The following ZBTB40 variants were observed in gnomAD, a reference collection of about 807,000 sequenced individuals.
ZBTB40 encodes zinc finger and BTB domain containing 40.
Under a neutral mutation model 117.5 loss-of-function variants are expected in ZBTB40, and 60 were observed. The observed-to-expected ratio is 0.51, with a 90% CI of 0.41 to 0.63. The LOEUF (loss-of-function observed/expected upper bound fraction) is 0.63. Ranked by LOEUF, ZBTB40 falls within the 30% of genes least tolerant of loss-of-function variation. ZBTB40 has a pLI of 0.00. For synonymous variants in ZBTB40, 525 were observed against 577.1 expected, an observed-to-expected ratio of 0.91 and a Z score of 1.29; for missense variants, 1,287 against 1,498.5, an observed-to-expected ratio of 0.86 and a Z score of 2.33.
At chr1:22,453,249 A>T (rs1170869468) in intron 1 of ZBTB40, among the ~76,000 whole-genome samples, 1 of 152,206 alleles carries the variant, frequency 6.6e-6, no homozygotes, top group African/African-American at 2.4e-5. Context: ...CCTTTCTAAT[A>T]TAAACACTTT....
chr1:22,499,380 G>A (rs984425310), intron 3 of ZBTB40, among the ~76,000 whole-genome samples: 31 of 152,158 alleles, frequency 2.0e-4, no homozygotes, highest in African/African-American at 6.8e-4. Flanking sequence ...AGCAAGTCAC[G>A]AGGTTCAATC....
rs200623577 is a variant in ZBTB40 at position 22,513,144 on chromosome 1, C to T, written c.2668+14C>T. The T allele has an allele frequency of 5.0e-5, 81 of 1,611,920 alleles. No homozygotes were observed. In the East Asian group the frequency reaches 1.8e-3, roughly 35 times the overall value. On this transcript the variant is annotated intron_variant, in intron 12 of 17. Transcript: ENST00000375647. The surrounding 1 kb of genome is among the most constrained non-coding windows in gnomAD (Gnocchi z 4.9). ...AGCACTCAGAAGGTAAGGCGGGGCA[C>T]AGTTCATTTCTCCTGCAGACTTTCA... is the stretch of plus-strand genomic sequence containing the variant.
In ZBTB40 at chr1:22,490,227, C is replaced by T. The variant is rs1276708397; in HGVS notation, c.279C>T (p.Ile93=). ...LPVGKHNFSK[I]ISLADSLQMF... is the part of the protein sequence containing the mutation. Reference sequence around the variant, plus strand: ...TGGGCAAGCACAACTTCTCCAAAATCATCTCCTTAGCAGACAGTCTACAGA... The same window carrying T: ...TGGGCAAGCACAACTTCTCCAAAATTATCTCCTTAGCAGACAGTCTACAGA... The change falls in exon 2 of 18, where the codon ATC becomes ATT. Residue 93 remains isoleucine (I), a synonymous_variant. Transcript: ENST00000375647. The T allele has an allele frequency of 6.2e-7, 1 of 1,614,196 alleles. No individual in the cohort carries two copies. Among genetic ancestry groups the T allele is most frequent in the Non-Finnish European group, 8.5e-7 (1 of 1,180,026 alleles).
chr1:22,526,255 G>A lies in ZBTB40; in HGVS notation c.3579G>A (p.Glu1193=), dbSNP rs1429326507. The A allele has an allele frequency of 6.2e-7, 1 of 1,614,202 alleles. No individual in the cohort carries two copies. Among genetic ancestry groups the A allele is most frequent in the Non-Finnish European group, 8.5e-7 (1 of 1,180,040 alleles). The part of the protein sequence containing the change: ...VAPTEQVITL[E]ETQLAGSQVF... ...CGACAGAGCAGGTGATCACTTTGGA[G>A]GAGACCCAGCTTGCCGGGTCGCAGG... Residue 1193 remains glutamate, a synonymous_variant, in exon 18 of 18, where the codon GAG becomes GAA. Transcript: ENST00000375647.
intron 1 of ZBTB40, among the ~76,000 whole-genome samples, chr1:22,459,152 A>G (rs1380406082): frequency 6.6e-6 from 1 of 152,134 alleles, no homozygotes. Context: ...CAGTTGTCAT[A>G]TGCTTGACTT....
Position 22,512,055 on chromosome 1 carries a change from GC to G in ZBTB40, c.2385del (p.Asp796MetfsTer12). 1 of 1,614,080 alleles carries G rather than the reference GC, an allele frequency of 6.2e-7. No homozygotes were observed. ...TGGAGGCCCATGGTGCAGGTGGAGA[GC>G]CCGATGCCCCCAAGAAGAAGAAGAA... ...QLEAHGAGGE[P>X]DAPKKKKKRL... On this transcript the variant is annotated frameshift_variant, in exon 11 of 18. Transcript: ENST00000375647. LOFTEE classifies it high-confidence loss of function.
chr1:22,510,940 C>G (rs1400129270), intron 9 of ZBTB40, among the ~76,000 whole-genome samples: 3 of 152,164 alleles, frequency 2.0e-5, no homozygotes. Flanking sequence ...CTGCATGTAT[C>G]TTCTTTGTAT....
At chr1:22,501,280 T>A (rs1432077443) in intron 3 of ZBTB40, among the ~76,000 whole-genome samples, 2 of 151,728 alleles carry the variant, frequency 1.3e-5, no homozygotes, top group Non-Finnish European at 2.9e-5. Flanking sequence ...GAGCATGGAG[T>A]CGTGGAATTG....
chr1:22,496,484 G>T (rs550709496), intron 3 of ZBTB40, among the ~76,000 whole-genome samples: 2 of 152,274 alleles, frequency 1.3e-5, no homozygotes, highest in African/African-American at 4.8e-5. Flanking sequence ...TTCACGTACC[G>T]CAAGGAACAC....
In ZBTB40 at chr1:22,489,903, C is replaced by T. The variant is rs1465000960; in HGVS notation, c.-46C>T. 6 of 1,589,490 alleles carry T rather than the reference C, an allele frequency of 3.8e-6. No homozygotes were observed. Among genetic ancestry groups the T allele is most frequent in the South Asian group, 1.1e-5 (1 of 90,654 alleles). ...AGGGCCTGTCCTCCCAAAGCCAACTCTAAGGAGAGGAGAGGAAGAGCAGTT... is the reference window on the plus strand; with the variant it reads ...AGGGCCTGTCCTCCCAAAGCCAACTTTAAGGAGAGGAGAGGAAGAGCAGTT... On this transcript the variant is annotated 5_prime_UTR_variant, in exon 2 of 18. Coordinates refer to ENST00000375647, the MANE Select transcript of ZBTB40 (RefSeq NM_014870.4).
intron 3 of ZBTB40, among the ~76,000 whole-genome samples, chr1:22,496,046 C>T (rs1214107109): frequency 2.0e-5 from 3 of 152,202 alleles, no homozygotes; most frequent in African/African-American, 4.8e-5. Context: ...TGCCTCCTGA[C>T]GTGCAGGCAG....
intron 1 of ZBTB40, among the ~76,000 whole-genome samples, chr1:22,475,216 G>A (rs1048738173): frequency 1.3e-5 from 2 of 152,208 alleles, no homozygotes; most frequent in Non-Finnish European, 2.9e-5. Context: ...TAGTGCTAAT[G>A]TGTTTCCCTT....
At chr1:22,519,589 T>C (rs1639465425) in intron 13 of ZBTB40, 1 of 241,140 alleles carries the variant, frequency 4.1e-6, no homozygotes, top group Non-Finnish European at 8.2e-6. Context: ...CTAATGTTTT[T>C]ATTGTTGAAT....
At chr1:22,518,119 G>A (rs958586048) in intron 13 of ZBTB40, among the ~76,000 whole-genome samples, 3 of 152,170 alleles carry the variant, frequency 2.0e-5, no homozygotes, top group Non-Finnish European at 4.4e-5. Context: ...AATCACCAGC[G>A]TGGCATTTGG....
chr1:22,437,216 A>G (rs1640680694), intron 1 of ZBTB40, among the ~76,000 whole-genome samples: 1 of 152,172 alleles, frequency 6.6e-6, no homozygotes, highest in South Asian at 2.1e-4. Flanking sequence ...GGATACAGAA[A>G]TCATAATTTA....
intron 1 of ZBTB40, among the ~76,000 whole-genome samples, chr1:22,441,291 C>T: frequency 6.6e-6 from 1 of 151,966 alleles, no homozygotes; most frequent in Non-Finnish European, 1.5e-5. Context: ...CTCTCTTATA[C>T]TCCATTTTAT....
upstream of ZBTB40, chr1:22,451,751 C>CT (rs397807805): frequency 6.6e-6 from 1 of 152,150 alleles, no homozygotes; most frequent in Non-Finnish European, 1.5e-5. Flanking sequence ...AGCCGGCCCC[C>CT]GCCGTCCTAG....
intron 14 of ZBTB40, 38 bp downstream of exon 14, chr1:22,520,313 C>T: frequency 6.5e-7 from 1 of 1,539,792 alleles, no homozygotes; most frequent in Non-Finnish European, 8.9e-7. Flanking sequence ...TCCCCTCACC[C>T]CTGACCTACT....
rs1243153784 is a variant in ZBTB40, at chr1:22,509,236, G to A, written c.1833+3G>A. 2 of 1,614,218 alleles carry A rather than the reference G, an allele frequency of 1.2e-6. No individual in the cohort carries two copies. The highest frequency in any genetic ancestry group is 2.2e-5 in the East Asian group (1 of 44,880). ...ACCTGGCAGAGACTGTGAAAGAGGTGTGGTGGGAATAAAAAGCGAAATGCC... is the reference window on the plus strand; with the variant it reads ...ACCTGGCAGAGACTGTGAAAGAGGTATGGTGGGAATAAAAAGCGAAATGCC... On this transcript the variant is annotated splice_donor_region_variant and intron_variant, in intron 9 of 17. Coordinates refer to ENST00000375647, the MANE Select transcript of ZBTB40 (RefSeq NM_014870.4).
Sources: allele counts gnomAD v4.1 joint callset (sites outside exome capture counted in the v4.1 genomes callset), GRCh38; gene constraint gnomAD v4.1.1; non-coding constraint Gnocchi (gnomAD v3.1); transcripts MANE v1.5; gene names NCBI Gene and HGNC (gene_info 2026-07-23, HGNC 2026-07-21).